Variants in KLHL1 observed in about 807,000 individuals in gnomAD.
KLHL1 encodes the protein kelch like family member 1.
KLHL1 carries 47 observed loss-of-function variants against 77.7 expected under a neutral mutation model. The observed-to-expected ratio is 0.60, with a 90% CI of 0.48 to 0.77. The LOEUF is 0.77. KLHL1 is among the 30% of genes least tolerant of loss of function. The probability of loss-of-function intolerance (pLI) is 0.00; values close to 1 mark genes in which losing one functional copy is unlikely to be tolerated. For synonymous variants in KLHL1, 360 were observed against 325.2 expected (o/e 1.11, Z -1.15); for missense variants, 925 against 910.8 (o/e 1.02, Z -0.20).
chr13:69,789,672 A>G (rs921637120), intron 7 of KLHL1, among the ~76,000 whole-genome samples: 3 of 152,162 alleles, frequency 2.0e-5, no homozygotes, highest in Non-Finnish European at 4.4e-5. Flanking sequence ...GGAAACATAT[A>G]TAGACATCAG....
At chr13:70,087,998 T>C (rs576280058) in intron 1 of KLHL1, among the ~76,000 whole-genome samples, 18 of 152,100 alleles carry the variant, frequency 1.2e-4, no homozygotes, top group Non-Finnish European at 2.5e-4. Context: ...GATGGGTTGA[T>C]AGGTGCAGCA....
At chr13:69,921,112 G>A (rs558738650) in intron 4 of KLHL1, among the ~76,000 whole-genome samples, 2 of 152,296 alleles carry the variant, frequency 1.3e-5, no homozygotes, top group Non-Finnish European at 2.9e-5. Flanking sequence ...TTGACCAGTA[G>A]AGAGTTAAAC....
At chr13:70,100,975 G>A (rs1311288818) in intron 1 of KLHL1, among the ~76,000 whole-genome samples, 1 of 152,086 alleles carries the variant, frequency 6.6e-6, no homozygotes, top group African/African-American at 2.4e-5. Flanking sequence ...ACAGTTTTCT[G>A]TATATTCTAT....
chr13:69,748,625 C>T (rs1011381753), intron 7 of KLHL1, among the ~76,000 whole-genome samples: 12 of 151,880 alleles, frequency 7.9e-5, no homozygotes, highest in South Asian at 6.2e-4. Context: ...CATCAGAGAA[C>T]GATATTTAAA....
chr13:70,033,293 G>A (rs1014772991), intron 1 of KLHL1, among the ~76,000 whole-genome samples: 8 of 151,482 alleles, frequency 5.3e-5, no homozygotes, highest in Non-Finnish European at 1.0e-4. Context: ...GTTTTGTTTC[G>A]TTTTGTTTTG....
At chr13:69,811,896 A>G (rs1474909102) in intron 6 of KLHL1, among the ~76,000 whole-genome samples, 1 of 151,856 alleles carries the variant, frequency 6.6e-6, no homozygotes, top group East Asian at 1.9e-4. Flanking sequence ...TTGTGTCTCT[A>G]TCTCCTTCAG....
At chr13:69,906,968 C>T (rs768860061) in intron 4 of KLHL1, among the ~76,000 whole-genome samples, 83 of 151,960 alleles carry the variant, frequency 5.5e-4, no homozygotes, top group Non-Finnish European at 1.1e-3. Context: ...TGAGTTCTCA[C>T]TTTTCTGATT....
intron 1 of KLHL1, among the ~76,000 whole-genome samples, chr13:70,014,141 C>A (rs949005974): frequency 2.6e-5 from 4 of 151,932 alleles, no homozygotes; most frequent in Admixed American, 1.3e-4. Flanking sequence ...TTCTCAGGTA[C>A]TTATGTGGAG....
intron 7 of KLHL1, among the ~76,000 whole-genome samples, chr13:69,779,529 TTTTTTCTTATTTCTC>T (rs905969548): frequency 2.6e-5 from 4 of 151,990 alleles, no homozygotes; most frequent in African/African-American, 4.8e-5. Flanking sequence ...CTTTCCCTCT[TTTTTTCTTATTTCTC>T]TTTTTCTGGG....
chr13:70,045,934 G>A (rs976468666), intron 1 of KLHL1, among the ~76,000 whole-genome samples: 5 of 152,022 alleles, frequency 3.3e-5, no homozygotes, highest in African/African-American at 1.2e-4. Flanking sequence ...GCCTCATCCT[G>A]GTAAAGGTTT....
intron 1 of KLHL1, among the ~76,000 whole-genome samples, chr13:70,057,718 G>A (rs1337308215): frequency 7.2e-6 from 1 of 139,084 alleles, no homozygotes; most frequent in Non-Finnish European, 1.5e-5. Flanking sequence ...GGAGCTTGCA[G>A]TGAGCCGAGA....
intron 4 of KLHL1, among the ~76,000 whole-genome samples, chr13:69,897,816 T>C (rs1459975655): frequency 3.3e-5 from 5 of 152,114 alleles, no homozygotes; most frequent in Non-Finnish European, 5.9e-5. Context: ...GTCCTTTGGG[T>C]CCACAAAGAA....
rs138285629 is a variant in KLHL1 at position 69,996,537 on chromosome 13, T to C, written c.498-20735A>G. 3.6e-3 allele frequency among the ~76,000 whole-genome samples: 542 copies of C among 152,220 alleles called. 5 individuals carry two copies. Among genetic ancestry groups the C allele is most frequent in the African/African-American group, 0.012 (515 of 41,564 alleles). ...TGAAACTTAGTGTGAAGCTGTCAAC[T>C]TCCCATAACACTTTGTAAAAAGAAG... On this transcript the variant is annotated intron_variant, in intron 1 of 10. Transcript: ENST00000377844.
intron 1 of KLHL1, among the ~76,000 whole-genome samples, chr13:70,078,149 T>A (rs1253327252): frequency 1.3e-5 from 2 of 151,852 alleles, no homozygotes; most frequent in Non-Finnish European, 2.9e-5. Flanking sequence ...TAGCTCCTCA[T>A]GTCTGTCTAG....
intron 2 of KLHL1, among the ~76,000 whole-genome samples, chr13:69,964,284 C>T (rs1453744967): frequency 6.6e-6 from 1 of 152,148 alleles, no homozygotes; most frequent in Admixed American, 6.6e-5. Flanking sequence ...TTGAGTAATC[C>T]TCCTGCCTTA....
At chr13:69,935,426 C>T (rs113336251) in intron 4 of KLHL1, among the ~76,000 whole-genome samples, 12,890 of 151,780 alleles carry the variant, frequency 0.085, 609 homozygotes, top group Non-Finnish European at 0.11. Context: ...ACAACAAAAA[C>T]AACAATAACA....
intron 5 of KLHL1, among the ~76,000 whole-genome samples, chr13:69,855,859 AATATATT>A (rs767109952): frequency 0.03 from 3,766 of 126,618 alleles, 81 homozygotes; most frequent in African/African-American, 0.07. Flanking sequence ...TATGTTATAT[AATATATT>A]ATATATTATA....
intron 4 of KLHL1, among the ~76,000 whole-genome samples, chr13:69,919,935 T>C (rs550746483): frequency 2.8e-4 from 42 of 152,194 alleles, no homozygotes; most frequent in Non-Finnish European, 5.6e-4. Context: ...TGTCCTTTCA[T>C]GTCTCCACAT....
At chr13:69,939,642 T>G (rs7320487) in intron 4 of KLHL1, among the ~76,000 whole-genome samples, 2 of 151,782 alleles carry the variant, frequency 1.3e-5, no homozygotes, top group African/African-American at 4.8e-5. Flanking sequence ...GCCTGTTAAG[T>G]GTGCATAAAG....
Sources: allele counts gnomAD v4.1 joint callset (sites outside exome capture counted in the v4.1 genomes callset), GRCh38; gene constraint gnomAD v4.1.1; transcripts MANE v1.5; gene names NCBI Gene and HGNC (gene_info 2026-07-23, HGNC 2026-07-21).